Variants in ITGB8 observed in about 807,000 individuals in gnomAD.
ITGB8 encodes integrin beta-8.
A neutral mutation model predicts 89.5 loss-of-function variants in ITGB8; 30 were observed. The ratio of observed to expected loss-of-function variants is 0.34; its 90% CI spans 0.25 to 0.45. The LOEUF is 0.45. ITGB8 is among the 20% of genes least tolerant of loss of function. ITGB8 has a pLI of 1.00. For synonymous variants in ITGB8, 335 were observed against 320.4 expected, an observed-to-expected ratio of 1.05 and a Z score of -0.49; for missense variants, 836 against 933.3, an observed-to-expected ratio of 0.90 and a Z score of 1.36.
At chr7:20,342,303 C>A (rs907983734) in intron 1 of ITGB8, among the ~76,000 whole-genome samples, 1 of 152,152 alleles carries the variant, frequency 6.6e-6, no homozygotes, top group Non-Finnish European at 1.5e-5. Flanking sequence ...GAACTAAATA[C>A]CCTGAAAGTC....
At chr7:20,409,580 A>AT in intron 12 of ITGB8, 35 bp from the exon 13 acceptor site, 1 of 1,482,130 alleles carries the variant, frequency 6.7e-7, no homozygotes, top group Non-Finnish European at 9.2e-7. Flanking sequence ...ACTTATTCCA[A>AT]TTTTTAATCC....
intron 6 of ITGB8, among the ~76,000 whole-genome samples, chr7:20,391,171 C>G (rs1299274387): frequency 2.0e-5 from 3 of 151,952 alleles, no homozygotes; most frequent in Non-Finnish European, 4.4e-5. Context: ...TAGTTGAATT[C>G]AGCTCTCTTC....
At chr7:20,372,382 A>C (rs1382853945) in intron 3 of ITGB8, among the ~76,000 whole-genome samples, 1 of 152,220 alleles carries the variant, frequency 6.6e-6, no homozygotes, top group Non-Finnish European at 1.5e-5. Flanking sequence ...AAACTAGGTA[A>C]ACTTGAGAGA....
intron 6 of ITGB8, among the ~76,000 whole-genome samples, chr7:20,385,477 C>A (rs1562687642): frequency 6.6e-6 from 1 of 152,190 alleles, no homozygotes; most frequent in Admixed American, 6.5e-5. Context: ...CCCCTTACTG[C>A]TGGCTTCATA....
intron 3 of ITGB8, among the ~76,000 whole-genome samples, chr7:20,370,474 C>A (rs1785882687): frequency 1.3e-5 from 2 of 151,024 alleles, no homozygotes; most frequent in Admixed American, 1.3e-4. Flanking sequence ...AAGAAATACT[C>A]CCTAAAAACA....
At chr7:20,357,548 T>G (rs753515577) in intron 1 of ITGB8, among the ~76,000 whole-genome samples, 24 of 152,198 alleles carry the variant, frequency 1.6e-4, no homozygotes, top group Non-Finnish European at 2.5e-4. Context: ...ATAGATAATA[T>G]TAATTATAAT....
intron 12 of ITGB8, among the ~76,000 whole-genome samples, chr7:20,407,385 T>C (rs1787589437): frequency 6.6e-6 from 1 of 151,878 alleles, no homozygotes; most frequent in Admixed American, 6.6e-5. Flanking sequence ...AAACAAAAGT[T>C]ATTTAGAACC....
intron 1 of ITGB8, among the ~76,000 whole-genome samples, chr7:20,341,437 T>G (rs1323595507): frequency 6.6e-6 from 1 of 152,084 alleles, no homozygotes; most frequent in Non-Finnish European, 1.5e-5. Context: ...GGCCCTAAAG[T>G]GAGGGCCAAC....
At chr7:20,380,414 T>TA (rs1786330031) in intron 4 of ITGB8, 1 of 404,978 alleles carries the variant, frequency 2.5e-6, no homozygotes, top group Non-Finnish European at 4.4e-6. Context: ...TGTCCTATAT[T>TA]AAAAAACATG....
In ITGB8 at chr7:20,361,288, T is replaced by G. The variant is rs535617544; in HGVS notation, c.128-2349T>G. Among the ~76,000 whole-genome samples, 46 of 152,330 alleles carry G rather than the reference T, an allele frequency of 3.0e-4. No homozygotes were observed. In the South Asian group the frequency reaches 9.1e-3, roughly 30 times the overall value. On this transcript the variant is annotated intron_variant, in intron 1 of 13. Transcript: ENST00000222573. Reference sequence around the variant, plus strand: ...AAATAGACTTAATTTCATGTTTCAGTTGAGTCAAGGCTACAAGTTGGCGAA... The same window carrying G: ...AAATAGACTTAATTTCATGTTTCAGGTGAGTCAAGGCTACAAGTTGGCGAA...
chr7:20,375,834 T>C (rs1319172756), intron 3 of ITGB8, among the ~76,000 whole-genome samples: 1 of 105,408 alleles, frequency 9.5e-6, no homozygotes, highest in Non-Finnish European at 1.9e-5. Flanking sequence ...CAGTTACATA[T>C]AACTGTTTAT....
intron 1 of ITGB8, among the ~76,000 whole-genome samples, chr7:20,340,275 G>T (rs960806245): frequency 2.1e-4 from 32 of 152,178 alleles, no homozygotes; most frequent in Non-Finnish European, 4.4e-4. Context: ...TATTCTAGAG[G>T]ATTGCCAAAA....
At chr7:20,346,379 A>G (rs949688749) in intron 1 of ITGB8, among the ~76,000 whole-genome samples, 8 of 152,130 alleles carry the variant, frequency 5.3e-5, no homozygotes, top group African/African-American at 1.7e-4. Context: ...GGAATAGGAG[A>G]TAAGGAGAAA....
In ITGB8 at chr7:20,413,596, T is replaced by C. The variant is rs1027092595; in HGVS notation, c.*3599T>C. On this transcript the variant is annotated 3_prime_UTR_variant, in exon 14 of 14. Coordinates refer to ENST00000222573, the MANE Select transcript of ITGB8 (RefSeq NM_002214.3). ...AAAGCTTCAAGCTTAATAAGCCTAA[T>C]AGTGAAAAATAACTGAATTTAATGG... 1 of 152,174 alleles carries C rather than the reference T, an allele frequency of 6.6e-6. No individual in the cohort carries two copies. Among genetic ancestry groups the C allele is most frequent in the Non-Finnish European group, 1.5e-5 (1 of 67,922 alleles). 9.4% of individuals were successfully genotyped at this position (152,174 alleles called of 1,614,324 possible).
At chr7:20,379,678 G>A (rs1422798483) in intron 4 of ITGB8, 7 of 152,604 alleles carry the variant, frequency 4.6e-5, no homozygotes, top group African/African-American at 1.7e-4. Flanking sequence ...ATTATGATTT[G>A]ACACATTTTA....
chr7:20,388,065 C>G (rs532838682), intron 6 of ITGB8, among the ~76,000 whole-genome samples: 4 of 152,130 alleles, frequency 2.6e-5, no homozygotes, highest in African/African-American at 9.7e-5. Flanking sequence ...TTTTTATCCA[C>G]GTAGATATAC....
intron 2 of ITGB8, chr7:20,365,720 TC>T (rs1386883319): frequency 2.0e-5 from 3 of 152,210 alleles, no homozygotes; most frequent in African/African-American, 7.2e-5. Context: ...TCAGCCACTA[TC>T]CATGCCATTA....
At chr7:20,405,914 A>G (rs1787520211) in intron 11 of ITGB8, 148 bp from the exon 12 acceptor site, 2 of 563,166 alleles carry the variant, frequency 3.6e-6, no homozygotes, top group Non-Finnish European at 6.4e-6. Context: ...CAATCCTTCG[A>G]TGTAATGATG....
At chr7:20,352,644 A>T (rs1785149763) in intron 1 of ITGB8, 2 of 152,152 alleles carry the variant, frequency 1.3e-5, no homozygotes, top group Admixed American at 1.3e-4. Context: ...CTTTATGTTG[A>T]GAGAGTGTAT....
Sources: allele counts gnomAD v4.1 joint callset (sites outside exome capture counted in the v4.1 genomes callset), GRCh38; gene constraint gnomAD v4.1.1; transcripts MANE v1.5; gene names NCBI Gene and HGNC (gene_info 2026-07-23, HGNC 2026-07-21).